Variants in IKZF3 observed in about 807,000 individuals in gnomAD.
The protein encoded by IKZF3 is zinc finger protein Aiolos.
Under a neutral mutation model 49.0 loss-of-function variants are expected in IKZF3, and 10 were observed. The observed-to-expected ratio is 0.20, with a 90% CI of 0.13 to 0.35. IKZF3 has a LOEUF of 0.35. Among genes scored for constraint, IKZF3 ranks in the 10% least tolerant of loss-of-function variants. IKZF3 has a pLI of 1.00. For synonymous variants in IKZF3, 209 were observed against 228.2 expected (o/e 0.92, Z 0.76); for missense variants, 498 against 664.8 (o/e 0.75, Z 2.76).
At chr17:39,850,110 A>C (rs569685611) in intron 1 of IKZF3, among the ~76,000 whole-genome samples, 5 of 140,432 alleles carry the variant, frequency 3.6e-5, no homozygotes, top group African/African-American at 1.3e-4. Context: ...TTATATATGT[A>C]TATATACTAT....
At chr17:39,784,046 C>T (rs1206374076) in intron 6 of IKZF3, among the ~76,000 whole-genome samples, 1 of 152,210 alleles carries the variant, frequency 6.6e-6, no homozygotes, top group African/African-American at 2.4e-5. Context: ...TTCTGAAGCC[C>T]TCATGCTTGT....
intron 1 of IKZF3, chr17:39,839,560 G>A (rs914064996): frequency 6.6e-5 from 34 of 512,672 alleles, no homozygotes; most frequent in Middle Eastern, 4.0e-4. Flanking sequence ...CCACGATGGC[G>A]GAGAAAGGAA....
chr17:39,855,987 G>T (rs555751464), intron 1 of IKZF3, among the ~76,000 whole-genome samples: 1 of 150,400 alleles, frequency 6.6e-6, no homozygotes, highest in Non-Finnish European at 1.5e-5. Flanking sequence ...AATATAACAT[G>T]TATATTGTAT....
chr17:39,780,765 T>C (rs937540256), intron 6 of IKZF3, among the ~76,000 whole-genome samples: 3 of 152,026 alleles, frequency 2.0e-5, no homozygotes, highest in Non-Finnish European at 2.9e-5. Flanking sequence ...GGTGAGAGGA[T>C]GGCTTGAGCC....
At chr17:39,798,843 G>C (rs1244269054) in intron 3 of IKZF3, among the ~76,000 whole-genome samples, 1 of 152,082 alleles carries the variant, frequency 6.6e-6, no homozygotes, top group East Asian at 1.9e-4. Flanking sequence ...CTAATATGCT[G>C]TCTCCTGGCT....
intron 7 of IKZF3, 145 bp downstream of exon 7, chr17:39,777,506 G>GGA: frequency 1.7e-6 from 1 of 573,890 alleles, no homozygotes; most frequent in Non-Finnish European, 3.1e-6. Context: ...CTATCAGAAT[G>GGA]AACCATGAAG....
intron 3 of IKZF3, among the ~76,000 whole-genome samples, chr17:39,820,939 C>T (rs529694560): frequency 6.6e-6 from 1 of 152,142 alleles, no homozygotes; most frequent in South Asian, 2.1e-4. Context: ...TGTGGCATGC[C>T]CAGAGAAAGT....
At chr17:39,805,027 T>C (rs993598816) in intron 3 of IKZF3, among the ~76,000 whole-genome samples, 4 of 152,200 alleles carry the variant, frequency 2.6e-5, no homozygotes, top group Non-Finnish European at 4.4e-5. Context: ...CCAACACTTA[T>C]CTCACACTCA....
chr17:39,838,136 T>C (rs2062356251), intron 1 of IKZF3, among the ~76,000 whole-genome samples: 1 of 152,238 alleles, frequency 6.6e-6, no homozygotes, highest in Non-Finnish European at 1.5e-5. Flanking sequence ...TTCTTAAATC[T>C]GTACAGTTAC....
At chr17:39,814,603 C>A (rs975216271) in intron 3 of IKZF3, among the ~76,000 whole-genome samples, 13 of 152,090 alleles carry the variant, frequency 8.5e-5, no homozygotes, top group Admixed American at 7.9e-4. Flanking sequence ...TGACTAGTCT[C>A]CCTAGAGGAG....
intron 1 of IKZF3, among the ~76,000 whole-genome samples, chr17:39,843,826 G>C (rs186609482): frequency 6.7e-6 from 1 of 148,288 alleles, no homozygotes; most frequent in African/African-American, 2.5e-5. Flanking sequence ...AAAAAAAAAA[G>C]AGATAGGAAA....
intron 1 of IKZF3, among the ~76,000 whole-genome samples, chr17:39,848,687 CT>C (rs2062705737): frequency 6.7e-6 from 1 of 149,728 alleles, no homozygotes; most frequent in Non-Finnish European, 1.5e-5. Flanking sequence ...ATTTATTTTT[CT>C]TTTTTTCTTA....
chr17:39,829,328 A>G (rs1340457941), intron 3 of IKZF3, 59 bp downstream of exon 3: 6 of 1,199,232 alleles, frequency 5.0e-6, no homozygotes, highest in Non-Finnish European at 7.4e-6. Context: ...TTTCTTCTCT[A>G]CACTAAGCCT....
At chr17:39,791,365 G>T (rs764056406) in intron 5 of IKZF3, 51 bp downstream of exon 5, 9 of 1,577,744 alleles carry the variant, frequency 5.7e-6, no homozygotes, top group Non-Finnish European at 1.7e-6. Context: ...TCCACACTGG[G>T]CTCTGAGGAA....
chr17:39,847,432 G>T lies in IKZF3; in HGVS notation c.8-15281C>A, dbSNP rs117334498. ...CTGCTTGAACACTTCGAATAATACAGAAGTTATTCCTTTCCATTTCAGAAA... is the reference window on the plus strand; with the variant it reads ...CTGCTTGAACACTTCGAATAATACATAAGTTATTCCTTTCCATTTCAGAAA... On this transcript the variant is annotated intron_variant, in intron 1 of 7. Transcript: ENST00000346872. 2.6e-5 allele frequency among the ~76,000 whole-genome samples: 4 copies of T among 152,122 alleles called. No individual in the cohort carries two copies. The East Asian group carries it at 7.7e-4, about 29-fold the overall frequency.
chr17:39,801,860 G>A (rs36097841), intron 3 of IKZF3, among the ~76,000 whole-genome samples: 14,064 of 151,822 alleles, frequency 0.093, 1,321 homozygotes, highest in African/African-American at 0.25. Context: ...TAAAATAATG[G>A]ACGTCTGTTA....
chr17:39,804,743 C>A (rs2061396964), intron 3 of IKZF3, among the ~76,000 whole-genome samples: 1 of 152,160 alleles, frequency 6.6e-6, no homozygotes, highest in South Asian at 2.1e-4. Context: ...TGGCCAGTCC[C>A]TGCTTTTTAA....
At chr17:39,767,065 C>G (rs1597943527) in intron 7 of IKZF3, among the ~76,000 whole-genome samples, 1 of 152,154 alleles carries the variant, frequency 6.6e-6, no homozygotes. Context: ...CAACTGGCTA[C>G]TCCCCAAACT....
intron 1 of IKZF3, among the ~76,000 whole-genome samples, chr17:39,857,993 C>A: frequency 6.6e-6 from 1 of 150,814 alleles, no homozygotes. Context: ...AGAGAGAGAT[C>A]CCTAAACTTT....
Sources: gnomAD v4.1 joint callset for allele counts (sites outside exome capture counted in the v4.1 genomes callset) on GRCh38, gnomAD v4.1.1 for gene constraint, MANE v1.5 for transcripts, NCBI Gene and HGNC (gene_info 2026-07-23, HGNC 2026-07-21) for gene names.